PPP3R1: variants seen among roughly 807,000 people sequenced by gnomAD.
The protein encoded by PPP3R1 is protein phosphatase 3 regulatory subunit B, alpha, also known as calcineurin subunit B type 1.
Under a neutral mutation model 22.6 loss-of-function variants are expected in PPP3R1, and 5 were observed. The ratio of observed to expected loss-of-function variants is 0.22; its 90% CI spans 0.12 to 0.46. The LOEUF is 0.46. PPP3R1 is among the 20% of genes least tolerant of loss of function. PPP3R1 has a pLI of 0.99. For missense variants in PPP3R1, 61 were observed against 203.2 expected, an observed-to-expected ratio of 0.30 and a Z score of 4.25; for synonymous variants, 56 against 65.2, an observed-to-expected ratio of 0.86 and a Z score of 0.68.
chr2:68,252,337 A>G lies in PPP3R1; in HGVS notation c.-210T>C. 1 of 1,013,956 alleles carries G rather than the reference A, an allele frequency of 9.9e-7. No individual in the cohort carries two copies. The highest frequency in any genetic ancestry group is 1.2e-6 in the Non-Finnish European group (1 of 849,980). 62.8% of individuals were successfully genotyped at this position (1,013,956 alleles called of 1,614,324 possible). A position where few individuals can be genotyped will look rare whatever the true frequency, so the allele number is the denominator to read the frequency against. On this transcript the variant is annotated 5_prime_UTR_variant, in exon 1 of 6. Transcript: ENST00000234310. ...GAGGGAGCGGGCAGGGTAGGGGGAAATAAATTAAGGTCGAGATTCAGAGCC... is the reference window on the plus strand; with the variant it reads ...GAGGGAGCGGGCAGGGTAGGGGGAAGTAAATTAAGGTCGAGATTCAGAGCC...
intron 1 of PPP3R1, among the ~76,000 whole-genome samples, chr2:68,242,153 G>C (rs1670148667): frequency 6.6e-6 from 1 of 152,150 alleles, no homozygotes. Context: ...AATGCACCAG[G>C]CGCGGTGGCT....
At chr2:68,231,514 AAGC>A (rs1328445940) in intron 1 of PPP3R1, among the ~76,000 whole-genome samples, 1 of 152,198 alleles carries the variant, frequency 6.6e-6, no homozygotes, top group Non-Finnish European at 1.5e-5. Context: ...CTATGAAAAA[AAGC>A]AGCTAGTTCA....
intron 5 of PPP3R1, among the ~76,000 whole-genome samples, chr2:68,182,117 TTC>T (rs1674424137): frequency 1.4e-5 from 2 of 139,942 alleles, no homozygotes; most frequent in African/African-American, 5.2e-5. Context: ...AGCTACTATT[TTC>T]TGTTTCTGTA....
chr2:68,223,414 A>G (rs1669724661), intron 1 of PPP3R1, among the ~76,000 whole-genome samples: 1 of 152,200 alleles, frequency 6.6e-6, no homozygotes, highest in Non-Finnish European at 1.5e-5. Flanking sequence ...AACAACAACA[A>G]AAGAAAACTA....
At chr2:68,242,501 G>T (rs891048289) in intron 1 of PPP3R1, among the ~76,000 whole-genome samples, 1 of 152,074 alleles carries the variant, frequency 6.6e-6, no homozygotes, top group African/African-American at 2.4e-5. Flanking sequence ...TAAAAGCAGC[G>T]TGACTGCCAG....
At chr2:68,195,343 C>T (rs1187666209) in intron 2 of PPP3R1, among the ~76,000 whole-genome samples, 2 of 152,058 alleles carry the variant, frequency 1.3e-5, no homozygotes, top group African/African-American at 2.4e-5. Flanking sequence ...GGCAAGAATA[C>T]CACAGAAATG....
chr2:68,205,385 G>A (rs1675097404), intron 2 of PPP3R1, among the ~76,000 whole-genome samples: 1 of 151,628 alleles, frequency 6.6e-6, no homozygotes, highest in African/African-American at 2.4e-5. Context: ...TGGGTTTACA[G>A]GCATGCACCA....
At chr2:68,202,632 C>T (rs1675005510) in intron 2 of PPP3R1, among the ~76,000 whole-genome samples, 1 of 151,196 alleles carries the variant, frequency 6.6e-6, no homozygotes, top group Admixed American at 6.6e-5. Flanking sequence ...ACCATGTTGG[C>T]CAGGCTGGTC....
chr2:68,225,748 T>C (rs1045324516), intron 1 of PPP3R1, among the ~76,000 whole-genome samples: 1 of 152,178 alleles, frequency 6.6e-6, no homozygotes, highest in Non-Finnish European at 1.5e-5. Context: ...TTGGTGAAGA[T>C]GTAGAGCAAA....
intron 2 of PPP3R1, among the ~76,000 whole-genome samples, chr2:68,206,100 G>T (rs984508864): frequency 6.6e-6 from 1 of 152,214 alleles, no homozygotes; most frequent in Non-Finnish European, 1.5e-5. Flanking sequence ...TTACAGGCGT[G>T]AGCCACCGCG....
Position 68,198,062 on chromosome 2 carries a change from C to CAAAAA in PPP3R1, c.44-9377_44-9373dup, listed in dbSNP as rs199824687. Among the ~76,000 whole-genome samples the CAAAAA allele has an allele frequency of 6.2e-4, 26 of 42,000 alleles. 8 individuals are homozygous for CAAAAA. The highest frequency in any genetic ancestry group is 1.3e-3 in the African/African-American group (12 of 9,098). 27.6% of individuals were successfully genotyped at this position (42,000 alleles called of 152,430 possible). On this transcript the variant is annotated intron_variant, in intron 2 of 5. Coordinates refer to ENST00000234310, the MANE Select transcript of PPP3R1 (RefSeq NM_000945.4). The stretch of plus-strand genomic sequence containing the variant: ...GCTCCCTTTACAACGGCACCTTTGG[C>CAAAAA]AAAAAAAAAAAAAAAAAAAAAAAAA...
intron 2 of PPP3R1, among the ~76,000 whole-genome samples, chr2:68,204,795 C>T (rs765446816): frequency 1.2e-4 from 19 of 152,146 alleles, no homozygotes; most frequent in Non-Finnish European, 2.5e-4. Flanking sequence ...AATTATCCAA[C>T]GAGTTGTCTA....
chr2:68,223,576 AG>A (rs1055618086), intron 1 of PPP3R1, among the ~76,000 whole-genome samples: 1 of 152,152 alleles, frequency 6.6e-6, no homozygotes, highest in Non-Finnish European at 1.5e-5. Context: ...ACATTAACAG[AG>A]GAAAAAAAAA....
Position 68,252,143 on chromosome 2 carries a change from G to A in PPP3R1, c.-16C>T, listed in dbSNP as rs1172274019. ...GTCTCACCATTTTGCTCGGCGGGTC[G>A]GCGGCTCGCTGGCTCGCTGGCTCGG... On this transcript the variant is annotated 5_prime_UTR_variant, in exon 1 of 6. Coordinates refer to ENST00000234310, the MANE Select transcript of PPP3R1 (RefSeq NM_000945.4). 1.4e-6 allele frequency: 2 copies of A among 1,431,948 alleles called. No homozygotes were observed. The highest frequency in any genetic ancestry group is 1.5e-5 in the African/African-American group (1 of 67,854). The allele number at this position is 1,431,948 out of a possible 1,614,324, so 88.7% of individuals were successfully genotyped here.
chr2:68,212,112 G>A (rs900433580), intron 2 of PPP3R1, among the ~76,000 whole-genome samples: 3 of 151,940 alleles, frequency 2.0e-5, no homozygotes, highest in Non-Finnish European at 2.9e-5. Flanking sequence ...ACAAGGTCTC[G>A]CTCTGTCGCC....
chr2:68,185,866 T>C (rs1345312947), intron 5 of PPP3R1, among the ~76,000 whole-genome samples: 1 of 152,196 alleles, frequency 6.6e-6, no homozygotes, highest in Non-Finnish European at 1.5e-5. Flanking sequence ...AAAGATGGTT[T>C]TTGCTTAAGG....
chr2:68,243,901 C>A (rs1004301927), intron 1 of PPP3R1, among the ~76,000 whole-genome samples: 1 of 150,618 alleles, frequency 6.6e-6, no homozygotes, highest in East Asian at 1.9e-4. Context: ...TTGCCACAGG[C>A]GGGAAAAAAA....
intron 2 of PPP3R1, among the ~76,000 whole-genome samples, chr2:68,211,003 A>AT (rs552961676): frequency 1.3e-5 from 2 of 152,166 alleles, no homozygotes; most frequent in African/African-American, 4.8e-5. Context: ...AACTACATGA[A>AT]TTTTTTTGTT....
chr2:68,249,578 A>G (rs1670298922), intron 1 of PPP3R1, among the ~76,000 whole-genome samples: 1 of 152,224 alleles, frequency 6.6e-6, no homozygotes, highest in East Asian at 1.9e-4. Flanking sequence ...TTCAACAAAA[A>G]CATATATAAA....
Sources: allele counts gnomAD v4.1 joint callset (sites outside exome capture counted in the v4.1 genomes callset), GRCh38; gene constraint gnomAD v4.1.1; transcripts MANE v1.5; gene names NCBI Gene and HGNC (gene_info 2026-07-23, HGNC 2026-07-21).